The following GPC5 variants were observed in gnomAD, a reference collection of about 807,000 sequenced individuals.
GPC5 encodes glypican 5.
Under a neutral mutation model 53.9 loss-of-function variants are expected in GPC5, and 47 were observed. The observed-to-expected ratio is 0.87, with a 90% CI of 0.69 to 1.11. GPC5 has a LOEUF of 1.11. GPC5 is among the 50% of genes most tolerant of loss of function. GPC5 has a pLI of 0.00. For missense variants in GPC5, 748 were observed against 713.1 expected (o/e 1.05, Z -0.56); for synonymous variants, 286 against 263.3 (o/e 1.09, Z -0.84).
intron 6 of GPC5, among the ~76,000 whole-genome samples, chr13:92,100,234 C>A (rs1594762721): frequency 6.6e-6 from 1 of 152,238 alleles, no homozygotes; most frequent in South Asian, 2.1e-4. Context: ...GAAACCCTGT[C>A]TCTCCTAAAA....
intron 1 of GPC5, among the ~76,000 whole-genome samples, chr13:91,436,101 C>T (rs1296897252): frequency 6.6e-6 from 1 of 152,114 alleles, no homozygotes; most frequent in Non-Finnish European, 1.5e-5. Flanking sequence ...GTCTTGCTAG[C>T]AGTCTATCAA....
chr13:92,210,129 C>G (rs1273999992), intron 7 of GPC5, among the ~76,000 whole-genome samples: 1 of 152,126 alleles, frequency 6.6e-6, no homozygotes, highest in Non-Finnish European at 1.5e-5. Context: ...TGGCAACACC[C>G]TCATAGACAC....
intron 6 of GPC5, among the ~76,000 whole-genome samples, chr13:91,980,832 G>A (rs1001203547): frequency 6.6e-6 from 1 of 152,174 alleles, no homozygotes; most frequent in East Asian, 1.9e-4. Flanking sequence ...TCACCTTTAT[G>A]TAAGTGGGAA....
At chr13:92,102,649 T>C (rs2041476533) in intron 6 of GPC5, among the ~76,000 whole-genome samples, 1 of 152,164 alleles carries the variant, frequency 6.6e-6, no homozygotes, top group Admixed American at 6.6e-5. Context: ...GGATGGGCTT[T>C]CATAGCACAG....
At chr13:92,170,419 G>GTTTTTTTTTTTT in intron 7 of GPC5, among the ~76,000 whole-genome samples, 1 of 80,320 alleles carries the variant, frequency 1.2e-5, no homozygotes, top group Non-Finnish European at 2.5e-5. Flanking sequence ...TCTTTTCTTT[G>GTTTTTTTTTTTT]CTTTTTTTTT....
intron 7 of GPC5, among the ~76,000 whole-genome samples, chr13:92,170,832 C>A (rs889838823): frequency 6.6e-6 from 1 of 152,120 alleles, no homozygotes. Flanking sequence ...GAGTCAGCAA[C>A]ATTTGCTGAA....
At chr13:91,613,055 G>A (rs1190163769) in intron 2 of GPC5, among the ~76,000 whole-genome samples, 1 of 152,074 alleles carries the variant, frequency 6.6e-6, no homozygotes, top group African/African-American at 2.4e-5. Flanking sequence ...ATCAACCTAA[G>A]TTTTTTTATG....
intron 7 of GPC5, among the ~76,000 whole-genome samples, chr13:92,324,450 G>T (rs1268295826): frequency 6.6e-6 from 1 of 151,866 alleles, no homozygotes; most frequent in Non-Finnish European, 1.5e-5. Flanking sequence ...TTATGATTAG[G>T]TATAGAATGT....
At chr13:91,471,926 C>T (rs1882658340) in intron 2 of GPC5, among the ~76,000 whole-genome samples, 1 of 152,102 alleles carries the variant, frequency 6.6e-6, no homozygotes, top group African/African-American at 2.4e-5. Context: ...TAGATTATGT[C>T]GTTCATATGC....
intron 5 of GPC5, among the ~76,000 whole-genome samples, chr13:91,881,237 G>T (rs539584985): frequency 6.6e-6 from 1 of 152,078 alleles, no homozygotes; most frequent in Admixed American, 6.5e-5. Context: ...GCCTGTAACA[G>T]AAGCACCTAA....
At chr13:92,813,974 A>G (rs1877379143) in intron 7 of GPC5, among the ~76,000 whole-genome samples, 1 of 152,010 alleles carries the variant, frequency 6.6e-6, no homozygotes, top group East Asian at 1.9e-4. Context: ...AAGTTACACT[A>G]ACTGACTTTG....
At chr13:91,996,136 A>G (rs2040501859) in intron 6 of GPC5, 1 of 152,232 alleles carries the variant, frequency 6.6e-6, no homozygotes, top group African/African-American at 2.4e-5. Flanking sequence ...GAGGACAAGG[A>G]AGAAAATCTT....
chr13:92,243,119 C>G (rs1195045608), intron 7 of GPC5, among the ~76,000 whole-genome samples: 1 of 152,112 alleles, frequency 6.6e-6, no homozygotes, highest in African/African-American at 2.4e-5. Context: ...CGCTACAAGC[C>G]TGTATTTGTT....
At position 91,693,379 on chromosome 13, in the gene GPC5, T is replaced by C. The variant is rs1345250329; in HGVS notation, c.518T>C (p.Leu173Pro). The C allele has an allele frequency of 2.5e-6, 4 of 1,614,040 alleles. No individual in the cohort carries two copies. The highest frequency in any genetic ancestry group is 3.4e-6 in the Non-Finnish European group (4 of 1,180,028). Residue 173 changes from leucine (L) to proline (P), a missense_variant, in exon 3 of 8, where the codon CTG becomes CCG. By Grantham distance (98) the Leu-to-Pro change is moderately conservative. Transcript: ENST00000377067. ...AGATTTTTTGACAGTCTTTTTCCTC[T>C]GGTCTACAACCACCTCATTAACCCT... ...VNRFFDSLFP[L>P]VYNHLINPGV...
intron 1 of GPC5, among the ~76,000 whole-genome samples, chr13:91,400,483 A>T (rs1016538499): frequency 1.3e-5 from 2 of 152,224 alleles, no homozygotes; most frequent in Non-Finnish European, 2.9e-5. Flanking sequence ...CGATTCTTCT[A>T]TCCCCAAATA....
intron 6 of GPC5, among the ~76,000 whole-genome samples, chr13:92,131,125 G>A (rs754577167): frequency 1.3e-5 from 2 of 151,646 alleles, no homozygotes; most frequent in Non-Finnish European, 2.9e-5. Context: ...AAATTAAAAC[G>A]GCCTTAAACA....
chr13:92,521,259 A>G (rs1373957718), intron 7 of GPC5, among the ~76,000 whole-genome samples: 2 of 152,336 alleles, frequency 1.3e-5, no homozygotes, highest in South Asian at 2.1e-4. Flanking sequence ...GTTTCTTCAC[A>G]GAATTGGAAA....
chr13:91,650,762 T>TTTTTTTTTTTTTTTTTTTTTG, intron 2 of GPC5, among the ~76,000 whole-genome samples: 4 of 149,712 alleles, frequency 2.7e-5, no homozygotes, highest in Non-Finnish European at 5.9e-5. Context: ...TTTTTTTTTT[T>TTTTTTTTTTTTTTTTTTTTTG]TTTTTTTTTT....
rs553332919 is a variant in GPC5, at chr13:91,860,525, C to CTT, written c.1281-47399_1281-47398dup. ...CTTTCTTTCTTCTTTTTCTTTATTT[C>CTT]TTTTTTTTTTTTTTGAGATGGAGTC... On this transcript the variant is annotated intron_variant, in intron 5 of 7. Transcript: ENST00000377067. Among the ~76,000 whole-genome samples, 304 of 132,222 alleles carry CTT rather than the reference C, an allele frequency of 2.3e-3. 3 individuals are homozygous for CTT. In the Middle Eastern group the frequency reaches 0.046, roughly 20 times the overall value. 86.7% of individuals were successfully genotyped at this position (132,222 alleles called of 152,430 possible).
Sources: allele counts gnomAD v4.1 joint callset (sites outside exome capture counted in the v4.1 genomes callset), GRCh38; gene constraint gnomAD v4.1.1; transcripts MANE v1.5; gene names NCBI Gene and HGNC (gene_info 2026-07-23, HGNC 2026-07-21).